Variants in KAZN observed in about 807,000 individuals in gnomAD.
KAZN encodes kazrin, periplakin interacting protein.
Under a neutral mutation model 87.4 loss-of-function variants are expected in KAZN, and 40 were observed. The ratio of observed to expected loss-of-function variants is 0.46; its 90% CI spans 0.36 to 0.60. The LOEUF (loss-of-function observed/expected upper bound fraction) is 0.60. KAZN is among the 20% of genes least tolerant of loss of function. KAZN has a pLI of 0.00. For missense variants in KAZN, 898 were observed against 1,073.9 expected (o/e 0.84, Z 2.29); for synonymous variants, 466 against 458.3 (o/e 1.02, Z -0.22).
intron 1 of KAZN, among the ~76,000 whole-genome samples, chr1:14,088,633 C>A (rs1027328535): frequency 6.6e-6 from 1 of 151,952 alleles, no homozygotes; most frequent in Admixed American, 6.6e-5. Context: ...GGTCTATAAA[C>A]ATTGGTTAGA....
At chr1:14,637,947 A>T (rs1680118798) in intron 1 of KAZN, among the ~76,000 whole-genome samples, 1 of 151,936 alleles carries the variant, frequency 6.6e-6, no homozygotes, top group African/African-American at 2.4e-5. Flanking sequence ...GGTCTGGGGG[A>T]GAGACTATCC....
intron 2 of KAZN, among the ~76,000 whole-genome samples, chr1:14,353,225 C>CTT (rs34074015): frequency 1.2e-4 from 17 of 137,658 alleles, no homozygotes; most frequent in Non-Finnish European, 1.9e-4. Context: ...GATGACATCA[C>CTT]TTTTTTTTTT....
intron 3 of KAZN, among the ~76,000 whole-genome samples, chr1:15,039,844 T>C (rs1280618744): frequency 6.6e-6 from 1 of 152,226 alleles, no homozygotes; most frequent in African/African-American, 2.4e-5. Flanking sequence ...GCCTTGTGGC[T>C]ATGACTGCCG....
chr1:14,725,470 T>TC (rs1643333533), intron 1 of KAZN, among the ~76,000 whole-genome samples: 2 of 152,068 alleles, frequency 1.3e-5, no homozygotes, highest in Non-Finnish European at 2.9e-5. Flanking sequence ...CTTTTTTTTT[T>TC]TTTCTTTCTT....
In KAZN at chr1:15,034,781, G is replaced by C; in HGVS notation, c.451G>C (p.Glu151Gln). 6.2e-7 allele frequency: 1 copy of C among 1,614,138 alleles called. No individual in the cohort carries two copies. The highest frequency in any genetic ancestry group is 1.3e-5 in the African/African-American group (1 of 75,028). The change falls in exon 3 of 15, where the codon GAG (glutamate) becomes CAG (glutamine). Residue 151 changes from glutamate (E) to glutamine (Q), a missense_variant. Physicochemically the swap from Glu to Gln is conservative, Grantham distance 29. Transcript: ENST00000376030. ...AGCTGATCGGAAGCGCTTAAAGGGCGAGAAGACAGACCTGGTGAGCCAGAT... is the reference window on the plus strand; with the variant it reads ...AGCTGATCGGAAGCGCTTAAAGGGCCAGAAGACAGACCTGGTGAGCCAGAT... ...MKADRKRLKG[E>Q]KTDLVSQMQQ...
intron 1 of KAZN, among the ~76,000 whole-genome samples, chr1:13,915,334 A>G (rs1410927874): frequency 1.3e-5 from 2 of 152,254 alleles, no homozygotes; most frequent in African/African-American, 4.8e-5. Flanking sequence ...CAAAGAAGAA[A>G]AAAATGCACT....
At chr1:14,805,023 C>T (rs957147246) in intron 1 of KAZN, among the ~76,000 whole-genome samples, 3 of 152,170 alleles carry the variant, frequency 2.0e-5, no homozygotes, top group Non-Finnish European at 4.4e-5. Context: ...GCTCAAACTC[C>T]CTGGACCTCA....
In KAZN at chr1:14,966,673, G is replaced by GC. The variant is rs1553164341; in HGVS notation, c.418+5798_418+5799insC. On this transcript the variant is annotated intron_variant, in intron 2 of 14. Transcript: ENST00000376030. ...ACTTTGAAATGGGTATTTTACCCAC[G>GC]TTTTTTTTTCTTTTGAGATAGAGTC... is the stretch of plus-strand genomic sequence containing the variant. 1.1e-4 allele frequency among the ~76,000 whole-genome samples: 16 copies of GC among 151,296 alleles called. No individual in the cohort carries two copies. The East Asian group carries it at 1.2e-3, about 11-fold the overall frequency.
At chr1:13,895,395 T>C (rs979077352) in intron 1 of KAZN, among the ~76,000 whole-genome samples, 1 of 152,206 alleles carries the variant, frequency 6.6e-6, no homozygotes, top group African/African-American at 2.4e-5. Context: ...CCCCTGCGGC[T>C]TCATTCACTT....
At chr1:14,850,475 A>G (rs1286323820) in intron 1 of KAZN, among the ~76,000 whole-genome samples, 23 of 152,212 alleles carry the variant, frequency 1.5e-4, no homozygotes, top group Admixed American at 1.5e-3. Context: ...GCCATTTTAC[A>G]GACGAGAAAA....
intron 2 of KAZN, among the ~76,000 whole-genome samples, chr1:14,352,731 A>G (rs553162972): frequency 6.6e-6 from 1 of 150,814 alleles, no homozygotes; most frequent in South Asian, 2.1e-4. Flanking sequence ...TTCATCAAAT[A>G]GACAGACAAA....
At chr1:13,905,845 A>C (rs966761487) in intron 1 of KAZN, among the ~76,000 whole-genome samples, 1 of 152,208 alleles carries the variant, frequency 6.6e-6, no homozygotes, top group Non-Finnish European at 1.5e-5. Flanking sequence ...AACCTCGGTG[A>C]CTTAAAACGA....
In KAZN at chr1:14,514,121, C is replaced by A. The variant is rs191339607; in HGVS notation, c.250-84862C>A. ...GGATCACGATGTCAGGAGATCGAGACCACCCTGGCTAACACAGTGAAACCC... is the reference window on the plus strand; with the variant it reads ...GGATCACGATGTCAGGAGATCGAGAACACCCTGGCTAACACAGTGAAACCC... On this transcript the variant is annotated intron_variant, in intron 2 of 16. Coordinates refer to the KAZN transcript ENST00000636203. 1.9e-3 allele frequency among the ~76,000 whole-genome samples: 275 copies of A among 148,112 alleles called. 2 individuals are homozygous for A. The highest frequency in any genetic ancestry group is 6.8e-3 in the Middle Eastern group (2 of 294).
At position 14,631,535 on chromosome 1, in the gene KAZN, C is replaced by T. The variant is rs183408124; in HGVS notation, c.226+32312C>T. On this transcript the variant is annotated intron_variant, in intron 1 of 14. Transcript: ENST00000376030. ...AGACGCAGGCCAGGCCCTCCAGCCC[C>T]GATCCTGCTACCTCTCACCCCAGGG... 2.5e-3 allele frequency among the ~76,000 whole-genome samples: 374 copies of T among 152,210 alleles called. 6 individuals are homozygous for T. The highest frequency in any genetic ancestry group is 8.6e-3 in the African/African-American group (355 of 41,506).
intron 1 of KAZN, among the ~76,000 whole-genome samples, chr1:14,937,757 C>G (rs1660619434): frequency 6.6e-6 from 1 of 152,276 alleles, no homozygotes; most frequent in Non-Finnish European, 1.5e-5. Flanking sequence ...CGGCATCTGG[C>G]TCCTCTCAGT....
At chr1:14,260,743 C>T (rs545094368) in intron 2 of KAZN, among the ~76,000 whole-genome samples, 1 of 152,336 alleles carries the variant, frequency 6.6e-6, no homozygotes, top group East Asian at 1.9e-4. Flanking sequence ...GGCACTGTTT[C>T]TGCACTATGT....
rs114370469 is a variant in KAZN, at chr1:15,004,449, G to T, written c.419-30300G>T. On this transcript the variant is annotated intron_variant, in intron 2 of 14. Coordinates refer to ENST00000376030, the MANE Select transcript of KAZN (RefSeq NM_201628.3). The stretch of plus-strand genomic sequence containing the variant: ...CTCTCAGCTTTGCTACTTTCTAGCT[G>T]TTACCATCTTGGACAAGTGACCTTA... Among the ~76,000 whole-genome samples the T allele has an allele frequency of 7.2e-3, 1,098 of 152,334 alleles. 15 individuals are homozygous for T. Among genetic ancestry groups the T allele is most frequent in the African/African-American group, 0.025 (1,060 of 41,584 alleles).
rs188767751 is a variant in KAZN, at chr1:14,856,473, G to A, written c.227-104211G>A. Among the ~76,000 whole-genome samples, 9 of 152,256 alleles carry A rather than the reference G, an allele frequency of 5.9e-5. No homozygotes were observed. The highest frequency in any genetic ancestry group is 9.6e-5 in the African/African-American group (4 of 41,552). ...GCTGGGAATTAATATATACATAAGC[G>A]CATCTGCTCTAAACACTTTTTTCCC... On this transcript the variant is annotated intron_variant, in intron 1 of 14. Coordinates refer to ENST00000376030, the MANE Select transcript of KAZN (RefSeq NM_201628.3). The surrounding 1 kb of genome is among the most constrained non-coding windows in gnomAD (Gnocchi z 5.2).
At chr1:13,898,411 C>T (rs1401526373) in intron 1 of KAZN, among the ~76,000 whole-genome samples, 1 of 152,240 alleles carries the variant, frequency 6.6e-6, no homozygotes, top group Non-Finnish European at 1.5e-5. Flanking sequence ...GTGCCAAGTT[C>T]TGACTTGCTA....
Sources: allele counts gnomAD v4.1 joint callset (sites outside exome capture counted in the v4.1 genomes callset), GRCh38; gene constraint gnomAD v4.1.1; non-coding constraint Gnocchi (gnomAD v3.1); transcripts MANE v1.5; gene names NCBI Gene and HGNC (gene_info 2026-07-23, HGNC 2026-07-21).